The following KCNJ12 variants were observed in gnomAD, a reference collection of about 807,000 sequenced individuals.
KCNJ12 encodes the protein ATP-sensitive inward rectifier potassium channel 12.
KCNJ12 carries 2 observed loss-of-function variants against 22.3 expected under a neutral mutation model. The ratio of observed to expected loss-of-function variants is 0.09; its 90% confidence interval spans 0.04 to 0.28. The LOEUF is 0.28. KCNJ12 is among the 10% of genes least tolerant of loss of function. The pLI, the probability that KCNJ12 is intolerant of heterozygous loss-of-function variation, is 1.00. For missense variants in KCNJ12, 155 were observed against 633.3 expected, an observed-to-expected ratio of 0.24 and a Z score of 8.11; for synonymous variants, 117 against 261.4, an observed-to-expected ratio of 0.45 and a Z score of 5.33.
chr17:21,401,370 A>C (rs1905615554), intron 1 of KCNJ12, among the ~76,000 whole-genome samples: 2 of 152,266 alleles, frequency 1.3e-5, no homozygotes, highest in African/African-American at 4.8e-5. Context: ...GCCATAGAGC[A>C]GAGAGGATTT....
At chr17:21,404,185 C>T (rs1905797344) in intron 1 of KCNJ12, among the ~76,000 whole-genome samples, 2 of 152,258 alleles carry the variant, frequency 1.3e-5, no homozygotes, top group South Asian at 2.1e-4. Context: ...CTGGTTTGCA[C>T]ACAGTCAGGG....
rs1171114754 is a variant in KCNJ12, at chr17:21,376,675, A to T, written c.-417A>T. On this transcript the variant is annotated 5_prime_UTR_variant, in exon 1 of 3. Coordinates refer to ENST00000583088, the MANE Select transcript of KCNJ12 (RefSeq NM_021012.5). This position sits in a 1 kb window ranked among gnomAD's most constrained non-coding sequence, Gnocchi z 5.3. ...GGACCGACGCCAGCCGCCCCGGCCC[A>T]AGCGAGCGCCCAGCGGCCGGGGGCG... 1.3e-5 allele frequency: 2 copies of T among 151,566 alleles called. No homozygotes were observed. The highest frequency in any genetic ancestry group is 2.9e-5 in the Non-Finnish European group (2 of 67,856). The allele number at this position is 151,566 out of a possible 1,614,324, so 9.4% of individuals were successfully genotyped here.
In KCNJ12 at chr17:21,376,553, G is replaced by C. The variant is rs552427044; in HGVS notation, c.-539G>C. 10 of 152,016 alleles carry C rather than the reference G, an allele frequency of 6.6e-5. No individual in the cohort carries two copies. The highest frequency in any genetic ancestry group is 2.4e-4 in the African/African-American group (10 of 41,462). The allele number at this position is 152,016 out of a possible 1,614,324, so 9.4% of individuals were successfully genotyped here. On this transcript the variant is annotated 5_prime_UTR_variant, in exon 1 of 3. Coordinates refer to ENST00000583088, the MANE Select transcript of KCNJ12 (RefSeq NM_021012.5). The surrounding 1 kb of genome is among the most constrained non-coding windows in gnomAD (Gnocchi z 5.3). Reference sequence around the variant, plus strand: ...GTCAGAGCCTGCGAGGAGGTGCGGGGCGCCGGGGCGTAGGGGAGCGCGCCG... The same window carrying C: ...GTCAGAGCCTGCGAGGAGGTGCGGGCCGCCGGGGCGTAGGGGAGCGCGCCG...
At chr17:21,395,307 A>C (rs1217851156) in intron 1 of KCNJ12, among the ~76,000 whole-genome samples, 4 of 150,930 alleles carry the variant, frequency 2.7e-5, no homozygotes, top group Admixed American at 1.3e-4. Context: ...AAAAAAAAAA[A>C]AAAAAAACGG....
At chr17:21,414,161 G>T (rs533340949) in intron 2 of KCNJ12, among the ~76,000 whole-genome samples, 5 of 152,302 alleles carry the variant, frequency 3.3e-5, no homozygotes, top group African/African-American at 1.2e-4. Flanking sequence ...GTGGCAGGCC[G>T]CATTCTAGGC....
chr17:21,393,089 C>T (rs1372059707), intron 1 of KCNJ12, among the ~76,000 whole-genome samples: 1 of 152,144 alleles, frequency 6.6e-6, no homozygotes, highest in Non-Finnish European at 1.5e-5. Context: ...ATGTGCCTCC[C>T]TGCACGGCCG....
chr17:21,380,148 C>A (rs1904817473), intron 1 of KCNJ12, among the ~76,000 whole-genome samples: 1 of 152,164 alleles, frequency 6.6e-6, no homozygotes, highest in South Asian at 2.1e-4. Flanking sequence ...GGGCCTGAGG[C>A]CTGCATGCCA....
chr17:21,392,423 G>T lies in KCNJ12; in HGVS notation c.-179+15510G>T, dbSNP rs373063173. Among the ~76,000 whole-genome samples the T allele has an allele frequency of 4.5e-4, 68 of 152,340 alleles. No individual in the cohort carries two copies. In the South Asian group the frequency reaches 0.014, roughly 31 times the overall value. Reference sequence around the variant, plus strand: ...AAGGAGCAAAGGCAGACAAGGACACGCCCCCCAACAGGGGCCCTCTGCCTC... The same window carrying T: ...AAGGAGCAAAGGCAGACAAGGACACTCCCCCCAACAGGGGCCCTCTGCCTC... On this transcript the variant is annotated intron_variant, in intron 1 of 2. Coordinates refer to ENST00000583088, the MANE Select transcript of KCNJ12 (RefSeq NM_021012.5).
intron 1 of KCNJ12, among the ~76,000 whole-genome samples, chr17:21,379,435 G>A (rs537000137): frequency 1.3e-5 from 2 of 152,308 alleles, no homozygotes; most frequent in South Asian, 4.1e-4. Context: ...TCTGGGCTGG[G>A]CCCTTCCTCC....
chr17:21,393,565 C>A (rs542718191), intron 1 of KCNJ12, among the ~76,000 whole-genome samples: 122 of 152,342 alleles, frequency 8.0e-4, no homozygotes, highest in African/African-American at 2.5e-3. Context: ...CCCCCCCGTG[C>A]GGGTTGAGCT....
intron 1 of KCNJ12, among the ~76,000 whole-genome samples, chr17:21,392,887 G>C (rs1555559475): frequency 6.6e-6 from 1 of 152,192 alleles, no homozygotes; most frequent in Non-Finnish European, 1.5e-5. Flanking sequence ...AATTTCATAG[G>C]CAGGGCAGGT....
chr17:21,388,544 C>A (rs1403568350), intron 1 of KCNJ12, among the ~76,000 whole-genome samples: 1 of 152,186 alleles, frequency 6.6e-6, no homozygotes, highest in East Asian at 1.9e-4. Context: ...AATTTGGGAT[C>A]CCCAGCAATA....
intron 1 of KCNJ12, among the ~76,000 whole-genome samples, chr17:21,377,327 G>A (rs1484381891): frequency 6.6e-6 from 1 of 152,132 alleles, no homozygotes; most frequent in East Asian, 1.9e-4. Context: ...CGCGATCGAG[G>A]TGGGGTTCGG....
chr17:21,412,646 G>A (rs1714887), intron 2 of KCNJ12, among the ~76,000 whole-genome samples: 6 of 152,276 alleles, frequency 3.9e-5, no homozygotes, highest in East Asian at 1.9e-4. Flanking sequence ...CCCTGCTGCC[G>A]GCTCCCTACT....
rs1262051636 is a variant in KCNJ12 at position 21,407,229 on chromosome 17, TATCC to T, written c.-178-1280_-178-1277del. Reference sequence around the variant, plus strand: ...CCACCCACCCATCCATTCACCCATCTATCCATCCATCCACCCTTCCATCCCTCTA... The same window carrying T: ...CCACCCACCCATCCATTCACCCATCTATCCATCCACCCTTCCATCCCTCTA... On this transcript the variant is annotated intron_variant, in intron 1 of 2. Transcript: ENST00000583088. Among the ~76,000 whole-genome samples, 11 of 144,274 alleles carry T rather than the reference TATCC, an allele frequency of 7.6e-5. No homozygotes were observed. In the East Asian group the frequency reaches 2.4e-3, roughly 31 times the overall value. The allele number at this position is 144,274 out of a possible 152,430, so 94.6% of individuals were successfully genotyped here. A position where few individuals can be genotyped will look rare whatever the true frequency, so the allele number is the denominator to read the frequency against.
intron 1 of KCNJ12, among the ~76,000 whole-genome samples, chr17:21,396,958 G>C (rs369391791): frequency 1.3e-5 from 2 of 152,196 alleles, no homozygotes; most frequent in Non-Finnish European, 2.9e-5. Flanking sequence ...GGAGCACACT[G>C]TCCATCAAGG....
Position 21,401,363 on chromosome 17 carries a change from A to C in KCNJ12, c.-178-7156A>C, listed in dbSNP as rs1905615268. Among the ~76,000 whole-genome samples the C allele has an allele frequency of 2.0e-5, 3 of 152,384 alleles. No individual in the cohort carries two copies. The South Asian group carries it at 6.2e-4, about 32-fold the overall frequency. On this transcript the variant is annotated intron_variant, in intron 1 of 2. Transcript: ENST00000583088. Reference sequence around the variant, plus strand: ...GCATTGTGAGTCCCCAAGCAAGGCCATAGAGCAGAGAGGATTTCCCATCAC... The same window carrying C: ...GCATTGTGAGTCCCCAAGCAAGGCCCTAGAGCAGAGAGGATTTCCCATCAC...
chr17:21,411,681 C>T (rs1301132331), intron 2 of KCNJ12, among the ~76,000 whole-genome samples: 1 of 152,306 alleles, frequency 6.6e-6, no homozygotes, highest in Non-Finnish European at 1.5e-5. Context: ...AGCCAGCCTT[C>T]TTGCTTGCTA....
intron 1 of KCNJ12, among the ~76,000 whole-genome samples, chr17:21,400,187 G>T (rs1342243456): frequency 6.6e-6 from 1 of 152,202 alleles, no homozygotes; most frequent in African/African-American, 2.4e-5. Context: ...CACCCCACCT[G>T]GGTGGGCTGC....
Sources: gnomAD v4.1 joint callset for allele counts (sites outside exome capture counted in the v4.1 genomes callset) on GRCh38, gnomAD v4.1.1 for gene constraint, Gnocchi (gnomAD v3.1) non-coding constraint, MANE v1.5 for transcripts, NCBI Gene and HGNC (gene_info 2026-07-23, HGNC 2026-07-21) for gene names.